UBA6: variants seen among roughly 807,000 people sequenced by gnomAD.
UBA6 encodes ubiquitin like modifier activating enzyme 6.
UBA6 carries 87 observed loss-of-function variants against 148.3 expected under a neutral mutation model. The observed-to-expected ratio is 0.59, with a 90% CI of 0.49 to 0.70. UBA6 has a LOEUF of 0.70. Ranked by LOEUF, UBA6 falls within the 30% of genes least tolerant of loss-of-function variation. The pLI, the probability that UBA6 is intolerant of heterozygous loss-of-function variation, is 0.00. For missense variants in UBA6, 1,186 were observed against 1,241.2 expected, an observed-to-expected ratio of 0.96 and a Z score of 0.67; for synonymous variants, 376 against 401.0, an observed-to-expected ratio of 0.94 and a Z score of 0.75.
At chr4:67,694,284 T>A (rs77528823) in intron 2 of UBA6, among the ~76,000 whole-genome samples, 22,982 of 128,796 alleles carry the variant, frequency 0.18, 2,411 homozygotes, top group Middle Eastern at 0.23. Context: ...ATTCAGTCAC[T>A]ATAAAAAAAA....
chr4:67,681,458 G>T, intron 4 of UBA6, 105 bp downstream of exon 4: 2 of 696,534 alleles, frequency 2.9e-6, no homozygotes, highest in East Asian at 3.3e-5. Context: ...AAAAAGTAGA[G>T]CATTAAAGAC....
At position 67,616,426 on chromosome 4, in the gene UBA6, T is replaced by C. The variant is rs1452021845; in HGVS notation, c.*2571A>G. On this transcript the variant is annotated 3_prime_UTR_variant, in exon 33 of 33. Coordinates refer to ENST00000322244, the MANE Select transcript of UBA6 (RefSeq NM_018227.6). ...TGAATATCACCAGAGTGTGACATAGTAGATTAAAAAATAAAGATATACATT... is the reference window on the plus strand; with the variant it reads ...TGAATATCACCAGAGTGTGACATAGCAGATTAAAAAATAAAGATATACATT... 2 of 287,926 alleles carry C rather than the reference T, an allele frequency of 6.9e-6. No individual in the cohort carries two copies. Among genetic ancestry groups the C allele is most frequent in the Non-Finnish European group, 1.3e-5 (2 of 157,188 alleles). The allele number at this position is 287,926 out of a possible 1,614,324, so 17.8% of individuals were successfully genotyped here.
At chr4:67,655,272 T>C (rs997855212) in intron 13 of UBA6, among the ~76,000 whole-genome samples, 21 of 152,158 alleles carry the variant, frequency 1.4e-4, no homozygotes, top group African/African-American at 4.8e-4. Context: ...TATTCTAAAA[T>C]TGACCACATA....
At chr4:67,625,427 C>T (rs1264768866) in intron 28 of UBA6, among the ~76,000 whole-genome samples, 3 of 149,486 alleles carry the variant, frequency 2.0e-5, no homozygotes, top group Non-Finnish European at 3.0e-5. Context: ...TTTAATGCCA[C>T]TAAACTAGAG....
Position 67,639,143 on chromosome 4 carries a change from C to A in UBA6, c.1555-19G>T. ...TAGGTTTCTAAACAAATAATATAAGCAGAAGGAATATGTTAAACAACAAAA... is the reference window on the plus strand; with the variant it reads ...TAGGTTTCTAAACAAATAATATAAGAAGAAGGAATATGTTAAACAACAAAA... On this transcript the variant is annotated intron_variant, in intron 18 of 32. Coordinates refer to ENST00000322244, the MANE Select transcript of UBA6 (RefSeq NM_018227.6). 1.9e-6 allele frequency: 3 copies of A among 1,588,660 alleles called. No homozygotes were observed. Among genetic ancestry groups the A allele is most frequent in the Middle Eastern group, 1.7e-4 (1 of 5,760 alleles).
chr4:67,665,427 G>GTT (rs1025021060), intron 9 of UBA6, 135 bp from the exon 10 acceptor site: 14 of 402,976 alleles, frequency 3.5e-5, no homozygotes, highest in African/African-American at 3.1e-4. Flanking sequence ...TTTTTTGTTT[G>GTT]TTTGTTTTTT....
intron 6 of UBA6, among the ~76,000 whole-genome samples, chr4:67,674,609 C>A (rs1042893333): frequency 2.0e-5 from 3 of 151,918 alleles, no homozygotes; most frequent in Admixed American, 6.6e-5. Context: ...AGTCTCTGAC[C>A]CAGGAATCTC....
intron 2 of UBA6, among the ~76,000 whole-genome samples, chr4:67,684,020 T>C (rs990202437): frequency 1.3e-5 from 2 of 152,206 alleles, no homozygotes; most frequent in African/African-American, 4.8e-5. Context: ...GAGGTTGCAG[T>C]GAGCCAAGAT....
At chr4:67,691,924 GAA>G (rs2109958942) in intron 2 of UBA6, among the ~76,000 whole-genome samples, 1 of 152,274 alleles carries the variant, frequency 6.6e-6, no homozygotes, top group Admixed American at 6.5e-5. Context: ...ATTGCTGAAA[GAA>G]AGTCATAGAC....
intron 6 of UBA6, among the ~76,000 whole-genome samples, chr4:67,676,705 C>T (rs1259772896): frequency 6.6e-6 from 1 of 152,164 alleles, no homozygotes; most frequent in Non-Finnish European, 1.5e-5. Flanking sequence ...TAACAGTTCA[C>T]TAGTCTTTTA....
chr4:67,684,573 T>G (rs1030051761), intron 2 of UBA6, among the ~76,000 whole-genome samples: 1 of 152,218 alleles, frequency 6.6e-6, no homozygotes, highest in Non-Finnish European at 1.5e-5. Context: ...TTTGAGAATT[T>G]CTTTGGTCAA....
Position 67,648,967 on chromosome 4 carries a change from T to G in UBA6, c.1248+101A>C, listed in dbSNP as rs986310859. On this transcript the variant is annotated intron_variant, in intron 14 of 32. Coordinates refer to ENST00000322244, the MANE Select transcript of UBA6 (RefSeq NM_018227.6). The stretch of plus-strand genomic sequence containing the variant: ...TGCATCTCTTTCATGCATCAAAAAG[T>G]ATTTTAAGGTCGCTTTTCTAATATA... 24 of 1,256,900 alleles carry G rather than the reference T, an allele frequency of 1.9e-5. No homozygotes were observed. In the African/African-American group the frequency reaches 3.5e-4, roughly 18 times the overall value. The allele number at this position is 1,256,900 out of a possible 1,614,324, so 77.9% of individuals were successfully genotyped here. A position where few individuals can be genotyped will look rare whatever the true frequency, so the allele number is the denominator to read the frequency against.
intron 4 of UBA6, among the ~76,000 whole-genome samples, chr4:67,678,894 C>T (rs1458240455): frequency 1.3e-5 from 2 of 152,110 alleles, no homozygotes; most frequent in Non-Finnish European, 2.9e-5. Context: ...ATGCAGCAAT[C>T]CCACTTTTAG....
At chr4:67,635,328 A>G (rs567674882) in intron 20 of UBA6, 125 bp downstream of exon 20, 1 of 563,814 alleles carries the variant, frequency 1.8e-6, no homozygotes, top group Non-Finnish European at 3.1e-6. Flanking sequence ...GTACATGCAC[A>G]TATGTATGAA....
At chr4:67,643,585 C>A (rs920705689) in intron 17 of UBA6, among the ~76,000 whole-genome samples, 1 of 152,024 alleles carries the variant, frequency 6.6e-6, no homozygotes, top group Non-Finnish European at 1.5e-5. Flanking sequence ...TTTGGACAAA[C>A]ATTCAAGATA....
intron 13 of UBA6, among the ~76,000 whole-genome samples, chr4:67,659,213 T>C (rs909619320): frequency 2.0e-5 from 3 of 152,204 alleles, no homozygotes; most frequent in African/African-American, 4.8e-5. Context: ...TTTCTTTCTT[T>C]GTGTAATTAT....
At chr4:67,644,821 A>C in intron 16 of UBA6, 43 bp from the exon 17 acceptor site, 3 of 937,052 alleles carry the variant, frequency 3.2e-6, no homozygotes, top group Non-Finnish European at 5.0e-6. Flanking sequence ...AAAATAACCT[A>C]TCTGTGAATC....
At chr4:67,682,040 T>C (rs1409005952) in intron 3 of UBA6, 79 bp downstream of exon 3, 4 of 1,055,694 alleles carry the variant, frequency 3.8e-6, no homozygotes, top group Admixed American at 1.9e-5. Context: ...ATAGGAAATA[T>C]AAGGGGATGA....
chr4:67,685,855 C>A (rs954456593), intron 2 of UBA6, among the ~76,000 whole-genome samples: 2 of 152,130 alleles, frequency 1.3e-5, no homozygotes. Flanking sequence ...AGATATGACC[C>A]CTTGATCTTA....
Sources: allele counts gnomAD v4.1 joint callset (sites outside exome capture counted in the v4.1 genomes callset), GRCh38; gene constraint gnomAD v4.1.1; transcripts MANE v1.5; gene names NCBI Gene and HGNC (gene_info 2026-07-23, HGNC 2026-07-21).